TMPRSS15: variants seen among roughly 807,000 people sequenced by gnomAD.
TMPRSS15 encodes the protein enteropeptidase.
Under a neutral mutation model 125.3 loss-of-function variants are expected in TMPRSS15, and 128 were observed. The observed-to-expected ratio is 1.02, with a 90% CI of 0.89 to 1.18. TMPRSS15 has a LOEUF of 1.18. TMPRSS15 is among the 50% of genes most tolerant of loss of function. The pLI, the probability that TMPRSS15 is intolerant of heterozygous loss-of-function variation, is 0.00. For synonymous variants in TMPRSS15, 446 were observed against 423.2 expected (o/e 1.05, Z -0.66); for missense variants, 1,283 against 1,212.7 (o/e 1.06, Z -0.86).
Position 18,365,203 on chromosome 21 carries a change from G to T in TMPRSS15, c.710C>A (p.Ser237Tyr), listed in dbSNP as rs1311983626. 1.2e-6 allele frequency: 2 copies of T among 1,614,098 alleles called. No homozygotes were observed. Among genetic ancestry groups the T allele is most frequent in the South Asian group, 2.2e-5 (2 of 91,080 alleles). The change falls in exon 7 of 25, where the codon TCT becomes TAT. Residue 237 changes from serine to tyrosine, a missense_variant. Transcript: ENST00000284885. The part of the protein sequence containing the change: ...GRFLLTGSSG[S>Y]FQATHYPKPS... ...TTTTGGATAATGAGTAGCCTGGAAAGACCCAGATGATCCAGTTAACAAAAA... is the reference window on the plus strand; with the variant it reads ...TTTTGGATAATGAGTAGCCTGGAAATACCCAGATGATCCAGTTAACAAAAA...
rs1266871304 is a variant in TMPRSS15 at position 18,294,486 on chromosome 21, G to A, written c.2312-42C>T. 3.1e-6 allele frequency: 5 copies of A among 1,612,486 alleles called. No homozygotes were observed. In the South Asian group the frequency reaches 5.5e-5, roughly 18 times the overall value. Reference sequence around the variant, plus strand: ...AGAAAGAGCATCTATTTCATTTTTGGCATTTCTTCTGATGGTGAAAATTGA... The same window carrying A: ...AGAAAGAGCATCTATTTCATTTTTGACATTTCTTCTGATGGTGAAAATTGA... On this transcript the variant is annotated intron_variant, in intron 20 of 24. Coordinates refer to ENST00000284885, the MANE Select transcript of TMPRSS15 (RefSeq NM_002772.3).
At chr21:18,460,794 TA>T (rs1404457026) in intron 1 of TMPRSS15, 1 of 152,222 alleles carries the variant, frequency 6.6e-6, no homozygotes, top group Admixed American at 6.5e-5. Flanking sequence ...GTTCACTGAG[TA>T]AATGTTAATC....
At chr21:18,359,064 C>T (rs1168775338) in intron 8 of TMPRSS15, among the ~76,000 whole-genome samples, 1 of 152,020 alleles carries the variant, frequency 6.6e-6, no homozygotes, top group South Asian at 2.1e-4. Context: ...ACATTCTCTA[C>T]CTCATCCTCA....
intron 17 of TMPRSS15, 47 bp from the exon 18 acceptor site, chr21:18,313,124 G>T: frequency 7.4e-7 from 1 of 1,349,106 alleles, no homozygotes; most frequent in African/African-American, 1.4e-5. Flanking sequence ...ACTGAAGGGT[G>T]CGGAGTATGG....
chr21:18,367,169 G>A (rs1372691746), intron 6 of TMPRSS15, among the ~76,000 whole-genome samples: 1 of 151,846 alleles, frequency 6.6e-6, no homozygotes, highest in Non-Finnish European at 1.5e-5. Context: ...AAAAAAGAAC[G>A]AAAATAAGAA....
intron 3 of TMPRSS15, among the ~76,000 whole-genome samples, chr21:18,395,714 C>G (rs935454732): frequency 2.6e-5 from 4 of 152,066 alleles, no homozygotes; most frequent in African/African-American, 9.7e-5. Context: ...TATTATTTAT[C>G]TAATTGAAGA....
At chr21:18,380,765 A>G (rs1272533822) in intron 4 of TMPRSS15, among the ~76,000 whole-genome samples, 1 of 152,148 alleles carries the variant, frequency 6.6e-6, no homozygotes, top group Non-Finnish European at 1.5e-5. Flanking sequence ...ATAAATTTCC[A>G]GAGTCTGCAT....
At chr21:18,290,168 C>G (rs2074816584) in intron 21 of TMPRSS15, among the ~76,000 whole-genome samples, 1 of 152,094 alleles carries the variant, frequency 6.6e-6, no homozygotes, top group African/African-American at 2.4e-5. Context: ...ATACAGAAGA[C>G]AAGGTTAGGA....
At chr21:18,344,222 A>G (rs1393844409) in intron 10 of TMPRSS15, among the ~76,000 whole-genome samples, 162 bp from the exon 11 acceptor site, 2 of 152,190 alleles carry the variant, frequency 1.3e-5, no homozygotes, top group African/African-American at 4.8e-5. Flanking sequence ...AGAAAGCAGT[A>G]TTTTTGCCAT....
chr21:18,441,725 C>G (rs944794290), intron 1 of TMPRSS15, among the ~76,000 whole-genome samples: 1 of 149,600 alleles, frequency 6.7e-6, no homozygotes, highest in African/African-American at 2.5e-5. Context: ...GAGTCTCACT[C>G]TGTTGCCCAG....
intron 10 of TMPRSS15, among the ~76,000 whole-genome samples, chr21:18,350,821 G>T: frequency 6.6e-6 from 1 of 151,604 alleles, no homozygotes; most frequent in Non-Finnish European, 1.5e-5. Flanking sequence ...CATGAGAGCA[G>T]AAAATTTGGT....
At chr21:18,350,712 T>G (rs1214977489) in intron 10 of TMPRSS15, among the ~76,000 whole-genome samples, 1 of 151,990 alleles carries the variant, frequency 6.6e-6, no homozygotes, top group East Asian at 1.9e-4. Context: ...TTTCCCAAAG[T>G]ACCTATTCAC....
intron 7 of TMPRSS15, among the ~76,000 whole-genome samples, chr21:18,363,781 G>A (rs1026426364): frequency 6.6e-6 from 1 of 151,944 alleles, no homozygotes; most frequent in Non-Finnish European, 1.5e-5. Flanking sequence ...TACAAATGTA[G>A]GTTGAAAACA....
intron 3 of TMPRSS15, among the ~76,000 whole-genome samples, chr21:18,390,183 C>CA (rs2075979101): frequency 6.6e-6 from 1 of 152,206 alleles, no homozygotes; most frequent in African/African-American, 2.4e-5. Context: ...TTCCATGACC[C>CA]ACCCTTTCAA....
chr21:18,341,630 T>G, intron 12 of TMPRSS15, 82 bp from the exon 13 acceptor site: 1 of 1,425,812 alleles, frequency 7.0e-7, no homozygotes, highest in East Asian at 2.3e-5. Flanking sequence ...GCCCAAGAGA[T>G]TCAATATTGT....
intron 1 of TMPRSS15, among the ~76,000 whole-genome samples, chr21:18,400,310 A>G (rs565220660): frequency 6.6e-6 from 1 of 152,304 alleles, no homozygotes; most frequent in African/African-American, 2.4e-5. Flanking sequence ...GCATCACATT[A>G]CGCAACTTCA....
upstream of TMPRSS15, chr21:18,403,797 T>C (rs2076120277): frequency 2.9e-6 from 2 of 687,090 alleles, no homozygotes; most frequent in Admixed American, 4.9e-5. Context: ...AAATTATGTC[T>C]CTATACATTA....
chr21:18,440,869 T>C (rs933322987), intron 1 of TMPRSS15, among the ~76,000 whole-genome samples: 4 of 152,224 alleles, frequency 2.6e-5, no homozygotes, highest in East Asian at 3.8e-4. Context: ...AATAATATAG[T>C]TGTTGGACTT....
At chr21:18,428,045 G>A (rs1171660910) in intron 1 of TMPRSS15, among the ~76,000 whole-genome samples, 1 of 152,214 alleles carries the variant, frequency 6.6e-6, no homozygotes. Context: ...TTTGCTCAAT[G>A]AAGAGTTACA....
Sources: gnomAD v4.1 joint callset for allele counts (sites outside exome capture counted in the v4.1 genomes callset) on GRCh38, gnomAD v4.1.1 for gene constraint, MANE v1.5 for transcripts, NCBI Gene and HGNC (gene_info 2026-07-23, HGNC 2026-07-21) for gene names.